The following RNF10 variants were observed in gnomAD, a reference collection of about 807,000 sequenced individuals.
The protein encoded by RNF10 is E3 ubiquitin-protein ligase RNF10.
In RNF10, 38 loss-of-function variants were observed where a neutral mutation model predicts 91.4. That is an observed-to-expected ratio of 0.42 (90% CI 0.32 to 0.54). The LOEUF (loss-of-function observed/expected upper bound fraction) is 0.54, where lower values mean the gene tolerates loss of function less well. Among genes scored for constraint, RNF10 ranks in the 20% least tolerant of loss-of-function variants. RNF10 has a pLI of 0.16. For missense variants in RNF10, 945 were observed against 1,012.0 expected (o/e 0.93, Z 0.90); for synonymous variants, 364 against 366.3 (o/e 0.99, Z 0.07).
Position 120,536,843 on chromosome 12 carries a change from G to A in RNF10, c.157+1875G>A, listed in dbSNP as rs368567464. On this transcript the variant is annotated intron_variant, in intron 1 of 16. Coordinates refer to ENST00000325954, the MANE Select transcript of RNF10 (RefSeq NM_014868.5). Reference sequence around the variant, plus strand: ...GCCACTAACATACATTCATTAGTCAGTTGCAATAAATGCCTTAAGTTTATT... The same window carrying A: ...GCCACTAACATACATTCATTAGTCAATTGCAATAAATGCCTTAAGTTTATT... 1.9e-4 allele frequency among the ~76,000 whole-genome samples: 29 copies of A among 152,258 alleles called. 1 individual carries two copies. In the East Asian group the frequency reaches 2.3e-3, roughly 12 times the overall value.
At chr12:120,540,768 G>A (rs1021674179) in intron 1 of RNF10, among the ~76,000 whole-genome samples, 3 of 152,048 alleles carry the variant, frequency 2.0e-5, no homozygotes, top group African/African-American at 7.3e-5. Context: ...GAGCATTTCT[G>A]TAAGCATTAT....
intron 14 of RNF10, chr12:120,575,401 T>C: frequency 1.9e-6 from 1 of 538,924 alleles, no homozygotes; most frequent in Non-Finnish European, 3.3e-6. Flanking sequence ...ACCCATTTCC[T>C]AAGGAACAAA....
intron 14 of RNF10, among the ~76,000 whole-genome samples, chr12:120,571,979 A>G (rs1876698336): frequency 6.6e-6 from 1 of 151,988 alleles, no homozygotes; most frequent in Non-Finnish European, 1.5e-5. Context: ...AGTGAGGAAG[A>G]TGGATGGACA....
intron 12 of RNF10, among the ~76,000 whole-genome samples, 200 bp from the exon 13 acceptor site, chr12:120,566,625 G>A (rs1189711465): frequency 1.3e-5 from 2 of 152,094 alleles, no homozygotes; most frequent in Non-Finnish European, 2.9e-5. Flanking sequence ...AGCTAGGTGT[G>A]GTGGCACGTG....
chr12:120,575,985 A>G (rs765006275), intron 16 of RNF10, 35 bp downstream of exon 16: 2 of 1,607,994 alleles, frequency 1.2e-6, no homozygotes, highest in Non-Finnish European at 1.7e-6. Context: ...AGGGTTGTCA[A>G]ACATACTACA....
intron 1 of RNF10, among the ~76,000 whole-genome samples, chr12:120,541,637 T>C (rs1871588126): frequency 6.6e-6 from 1 of 151,402 alleles, no homozygotes; most frequent in East Asian, 2.0e-4. Context: ...GGTTTCACCA[T>C]GTTAGCCAGG....
In RNF10 at chr12:120,563,356, G is replaced by T. The variant is rs1403591896; in HGVS notation, c.1264G>T (p.Glu422Ter). The part of the protein sequence containing the change: ...SVFQPRKGVL[E>*]YLSAFDEETT... ...GAGTTTGCTGCAACAGGGTGTGCTG[G>T]AGTATCTGTCTGCCTTCGATGAAGA... is the stretch of plus-strand genomic sequence containing the variant. Residue 422 changes from glutamate to a stop codon, truncating the protein, a stop_gained, in exon 9 of 17, where the codon GAG becomes TAG. Coordinates refer to ENST00000325954, the MANE Select transcript of RNF10 (RefSeq NM_014868.5). LOFTEE classifies it high-confidence loss of function. 6.2e-7 allele frequency: 1 copy of T among 1,610,854 alleles called. No homozygotes were observed.
At chr12:120,539,667 C>T (rs1342426050) in intron 1 of RNF10, among the ~76,000 whole-genome samples, 1 of 152,136 alleles carries the variant, frequency 6.6e-6, no homozygotes, top group Non-Finnish European at 1.5e-5. Context: ...TGGTGGAGAC[C>T]TTTCCATTAG....
Position 120,552,509 on chromosome 12 carries a change from C to T in RNF10, c.365C>T (p.Ala122Val), listed in dbSNP as rs753783245. Residue 122 changes from alanine to valine, a missense_variant, in exon 3 of 17, where the codon GCT becomes GTT. By Grantham distance (64) the Ala-to-Val change is moderately conservative. Transcript: ENST00000325954. ...TCTCATTCTCTCTAGGTAGCAGAGG[C>T]TCAACGGGCAGAGTTTAGCCCTGCC... ...NGGRRDEVAE[A>V]QRAEFSPAQF... The T allele has an allele frequency of 3.1e-6, 5 of 1,613,452 alleles. No homozygotes were observed. In the Admixed American group the frequency reaches 6.7e-5, roughly 22 times the overall value.
intron 13 of RNF10, 24 bp from the exon 14 acceptor site, chr12:120,571,167 A>G: frequency 6.5e-7 from 1 of 1,537,306 alleles, no homozygotes; most frequent in Non-Finnish European, 9.0e-7. Context: ...GACGAATATA[A>G]TCAGGTCTCT....
chr12:120,559,176 C>CTTTTTTTTTTT, intron 6 of RNF10, among the ~76,000 whole-genome samples: 1 of 95,798 alleles, frequency 1.0e-5, no homozygotes, highest in South Asian at 3.2e-4. Context: ...TTGAACTACT[C>CTTTTTTTTTTT]TTTTTTTTTT....
At chr12:120,572,214 C>T (rs1414716521) in intron 14 of RNF10, among the ~76,000 whole-genome samples, 1 of 151,396 alleles carries the variant, frequency 6.6e-6, no homozygotes, top group Non-Finnish European at 1.5e-5. Context: ...CTATAGGCGC[C>T]TGCCACCACG....
chr12:120,536,845 T>G (rs1870898132), intron 1 of RNF10, among the ~76,000 whole-genome samples: 1 of 152,242 alleles, frequency 6.6e-6, no homozygotes, highest in Non-Finnish European at 1.5e-5. Context: ...ATTAGTCAGT[T>G]GCAATAAATG....
chr12:120,545,346 T>TA (rs1872161160), intron 1 of RNF10, among the ~76,000 whole-genome samples: 1 of 129,294 alleles, frequency 7.7e-6, no homozygotes, highest in African/African-American at 2.7e-5. Context: ...CATGCCCGGC[T>TA]AATTTTTTTT....
chr12:120,542,081 T>C (rs899970647), intron 1 of RNF10, among the ~76,000 whole-genome samples: 1 of 151,830 alleles, frequency 6.6e-6, no homozygotes, highest in Non-Finnish European at 1.5e-5. Flanking sequence ...TTAGCCAGGA[T>C]GGTCTTGATC....
chr12:120,546,563 C>G lies in RNF10; in HGVS notation c.316C>G (p.Leu106Val). The G allele has an allele frequency of 6.2e-7, 1 of 1,613,296 alleles. No homozygotes were observed. Among genetic ancestry groups the G allele is most frequent in the South Asian group, 1.1e-5 (1 of 91,038 alleles). The stretch of plus-strand genomic sequence containing the variant: ...TCAAAGGGGCGGCGGCAGCAGCAAA[C>G]TCTTTAGCTCTTCTTTTAATGGTGG... ...PPQRGGGSSK[L>V]FSSSFNGGRR... Residue 106 changes from leucine to valine, a missense_variant, in exon 2 of 17, where the codon CTC becomes GTC. Transcript: ENST00000325954.
intron 12 of RNF10, among the ~76,000 whole-genome samples, chr12:120,565,997 G>A (rs1483972468): frequency 6.6e-6 from 1 of 152,176 alleles, no homozygotes; most frequent in East Asian, 1.9e-4. Context: ...CTTTTGATCT[G>A]GTTCTCCAAA....
At position 120,554,766 on chromosome 12, in the gene RNF10, T is replaced by C. The variant is rs935829515; in HGVS notation, c.603T>C (p.Ala201=). The C allele has an allele frequency of 5.0e-6, 8 of 1,614,218 alleles. No homozygotes were observed. The highest frequency in any genetic ancestry group is 5.9e-6 in the Non-Finnish European group (7 of 1,180,014). Reference sequence around the variant, plus strand: ...ACCAAGACTACACAGCTCATTTTGCTGATCCTGATACATTAGTTAACTGGG... The same window carrying C: ...ACCAAGACTACACAGCTCATTTTGCCGATCCTGATACATTAGTTAACTGGG... ...SEDQDYTAHF[A]DPDTLVNWDF... Residue 201 remains alanine, a synonymous_variant, in exon 4 of 17, where the codon GCT becomes GCC. Transcript: ENST00000325954.
chr12:120,540,353 A>G (rs1871375495), intron 1 of RNF10, among the ~76,000 whole-genome samples: 1 of 152,146 alleles, frequency 6.6e-6, no homozygotes, highest in African/African-American at 2.4e-5. Context: ...GTGTGCAGCC[A>G]GGATTGAGAA....
Sources: allele counts gnomAD v4.1 joint callset (sites outside exome capture counted in the v4.1 genomes callset), GRCh38; gene constraint gnomAD v4.1.1; transcripts MANE v1.5; gene names NCBI Gene and HGNC (gene_info 2026-07-23, HGNC 2026-07-21).